The following MACF1 variants were observed in gnomAD, a reference collection of about 807,000 sequenced individuals.
MACF1 encodes the protein microtubule-actin cross-linking factor 1.
In MACF1, 193 loss-of-function variants were observed where a neutral mutation model predicts 854.8. The observed-to-expected ratio is 0.23, with a 90% confidence interval of 0.20 to 0.25. MACF1 has a LOEUF of 0.25. Among genes scored for constraint, MACF1 ranks in the 10% least tolerant of loss-of-function variants. The pLI is 1.00. For missense variants in MACF1, 7,722 were observed against 8,929.1 expected (o/e 0.86, Z 5.45); for synonymous variants, 3,185 against 3,226.7 (o/e 0.99, Z 0.44).
At position 39,447,915 on chromosome 1, in the gene MACF1, A is replaced by G; in HGVS notation, c.19968+17A>G. The G allele has an allele frequency of 3.1e-6, 5 of 1,613,644 alleles. No individual in the cohort carries two copies. Among genetic ancestry groups the G allele is most frequent in the Non-Finnish European group, 4.2e-6 (5 of 1,179,788 alleles). On this transcript the variant is annotated intron_variant, in intron 82 of 100. Coordinates refer to ENST00000564288, the MANE Select transcript of MACF1 (RefSeq NM_001394062.1). ...GCAAAACAAGTAAGTTGGGGAAGAA[A>G]GATACTAATTCACTGAAGAGTCTTG...
intron 2 of MACF1, among the ~76,000 whole-genome samples, chr1:39,102,036 C>T (rs1642093093): frequency 6.6e-6 from 1 of 151,004 alleles, no homozygotes; most frequent in South Asian, 2.1e-4. Flanking sequence ...ATTAGCCGGG[C>T]GAGGTGGCGG....
chr1:39,192,839 T>C (rs935275470), intron 2 of MACF1, among the ~76,000 whole-genome samples: 2 of 152,202 alleles, frequency 1.3e-5, no homozygotes, highest in Non-Finnish European at 2.9e-5. Flanking sequence ...TTAAGAACTT[T>C]ATGGGCGAAG....
chr1:39,210,941 CTT>C (rs1644507653), intron 1 of MACF1, among the ~76,000 whole-genome samples: 1 of 138,020 alleles, frequency 7.2e-6, no homozygotes, highest in Non-Finnish European at 1.6e-5. Flanking sequence ...CTCCCTCTCT[CTT>C]TCCCTTCTTT....
intron 58 of MACF1, chr1:39,411,701 G>C: frequency 6.2e-7 from 1 of 1,613,846 alleles, no homozygotes; most frequent in Non-Finnish European, 8.5e-7. Context: ...TGTGAAGAAG[G>C]AGTAACTCCT....
At chr1:39,259,481 C>T (rs747630104) in intron 6 of MACF1, among the ~76,000 whole-genome samples, 4 of 152,144 alleles carry the variant, frequency 2.6e-5, no homozygotes, top group Non-Finnish European at 4.4e-5. Flanking sequence ...AGGCTAGTCT[C>T]GAACTCCTGC....
At chr1:39,129,315 G>A (rs963609929) in intron 2 of MACF1, among the ~76,000 whole-genome samples, 2 of 152,154 alleles carry the variant, frequency 1.3e-5, no homozygotes, top group African/African-American at 4.8e-5. Context: ...GGGGATGGAT[G>A]GGAGGATGCT....
At chr1:39,123,725 T>A (rs1027372892) in intron 2 of MACF1, among the ~76,000 whole-genome samples, 10 of 139,106 alleles carry the variant, frequency 7.2e-5, no homozygotes, top group Non-Finnish European at 1.4e-4. Context: ...TTGTTTTTTT[T>A]TTTTTTTTTT....
rs529685819 is a variant in MACF1, at chr1:39,157,521, C to T, written c.220+73083C>T. 3.3e-5 allele frequency among the ~76,000 whole-genome samples: 5 copies of T among 152,268 alleles called. No individual in the cohort carries two copies. In the South Asian group the frequency reaches 8.3e-4, roughly 25 times the overall value. The stretch of plus-strand genomic sequence containing the variant: ...TGGTGGCAGTGTGGTGGGTGTATCT[C>T]CCATATGAGGGATTGTTCCAGGGAT... On this transcript the variant is annotated intron_variant, in intron 2 of 93. Coordinates refer to the MACF1 transcript ENST00000361689.
At position 39,451,140 on chromosome 1, in the gene MACF1, C is replaced by T; in HGVS notation, c.20347C>T (p.Pro6783Ser). 1 of 1,614,170 alleles carries T rather than the reference C, an allele frequency of 6.2e-7. No individual in the cohort carries two copies. Among genetic ancestry groups the T allele is most frequent in the Non-Finnish European group, 8.5e-7 (1 of 1,180,030 alleles). ...ALVDWLYKVEPQLAEDQPVHG... is the reference protein window; with the variant it reads ...ALVDWLYKVESQLAEDQPVHG... ...GGTTGACTGGTTATACAAGGTGGAG[C>T]CACAGCTGGCTGAGGACCAGCCCGT... The change falls in exon 85 of 101, where the codon CCA becomes TCA. Residue 6783 changes from proline to serine, a missense_variant. Pro to Ser is a moderately conservative substitution (Grantham distance 74). This residue lies in a region of MACF1 where 729 missense variants were observed against 900.5 expected (regional missense o/e 0.81). Coordinates refer to ENST00000564288, the MANE Select transcript of MACF1 (RefSeq NM_001394062.1).
chr1:39,349,455 T>C (rs1306684357), intron 41 of MACF1, 23 bp from the exon 42 acceptor site: 1 of 1,599,024 alleles, frequency 6.3e-7, no homozygotes, highest in African/African-American at 1.3e-5. Flanking sequence ...AAATGTCTCT[T>C]GACCCCTTTG....
chr1:39,200,795 G>C (rs1204589037), upstream of MACF1, among the ~76,000 whole-genome samples: 1 of 151,300 alleles, frequency 6.6e-6, no homozygotes, highest in African/African-American at 2.4e-5. Flanking sequence ...CACTTGAGGG[G>C]TGGGCATGGT....
rs868561037 is a variant in MACF1, at chr1:39,179,848, C to A, written c.221-51334C>A. ...TGGCCAACATGGTGAAACCCCGTCTCTACTAAAAATACAAAAATTAGCCAG... is the reference window on the plus strand; with the variant it reads ...TGGCCAACATGGTGAAACCCCGTCTATACTAAAAATACAAAAATTAGCCAG... On this transcript the variant is annotated intron_variant, in intron 2 of 93. Transcript: ENST00000361689. Among the ~76,000 whole-genome samples the A allele has an allele frequency of 2.0e-5, 3 of 152,000 alleles. No homozygotes were observed. In the South Asian group the frequency reaches 6.3e-4, roughly 32 times the overall value.
Position 39,360,852 on chromosome 1 carries a change from C to T in MACF1, c.12304C>T (p.Leu4102=). 6.2e-7 allele frequency: 1 copy of T among 1,614,078 alleles called. No individual in the cohort carries two copies. The highest frequency in any genetic ancestry group is 1.1e-5 in the South Asian group (1 of 91,088). The part of the protein sequence containing the change: ...SYSLAERSSL[L]QKAIAQSQSV... ...TAGCCTGGCTGAGCGATCTTCTCTGCTGCAGAAAGCAATTGCCCAATCTCA... is the reference window on the plus strand; with the variant it reads ...TAGCCTGGCTGAGCGATCTTCTCTGTTGCAGAAAGCAATTGCCCAATCTCA... The change falls in exon 48 of 101, where the codon CTG becomes TTG. Residue 4102 remains leucine (L), a synonymous_variant. Transcript: ENST00000564288.
At chr1:39,384,511 G>A (rs1427586265) in intron 56 of MACF1, among the ~76,000 whole-genome samples, 1 of 152,122 alleles carries the variant, frequency 6.6e-6, no homozygotes, top group Non-Finnish European at 1.5e-5. Flanking sequence ...CATACAGCTA[G>A]TAGGTGACAG....
chr1:39,295,921 T>C (rs1246980464), intron 20 of MACF1, 39 bp downstream of exon 20: 4 of 1,562,938 alleles, frequency 2.6e-6, no homozygotes, highest in South Asian at 1.1e-5. Flanking sequence ...TGTGTACATA[T>C]GTATGTTAAA....
intron 2 of MACF1, among the ~76,000 whole-genome samples, chr1:39,182,194 A>G (rs982142441): frequency 1.3e-5 from 2 of 151,946 alleles, no homozygotes; most frequent in Non-Finnish European, 2.9e-5. Context: ...CTCACACAAC[A>G]TATAAAACTT....
intron 1 of MACF1, among the ~76,000 whole-genome samples, chr1:39,212,683 C>T (rs558359819): frequency 7.9e-5 from 12 of 152,236 alleles, no homozygotes; most frequent in African/African-American, 2.2e-4. Context: ...AGTGCAGTGG[C>T]GCAATCTCGG....
chr1:39,196,637 T>C (rs1199961993), intron 2 of MACF1, among the ~76,000 whole-genome samples: 1 of 152,254 alleles, frequency 6.6e-6, no homozygotes, highest in African/African-American at 2.4e-5. Context: ...GACTTCTCTC[T>C]TTGTAAGCAT....
At chr1:39,102,092 C>T (rs1642096342) in intron 2 of MACF1, among the ~76,000 whole-genome samples, 1 of 150,732 alleles carries the variant, frequency 6.6e-6, no homozygotes, top group Non-Finnish European at 1.5e-5. Context: ...AGGAGAATGG[C>T]GTGAACCCCG....
Sources: allele counts gnomAD v4.1 joint callset (sites outside exome capture counted in the v4.1 genomes callset), GRCh38; gene constraint gnomAD v4.1.1; regional missense constraint gnomAD v4.1.1; transcripts MANE v1.5; gene names NCBI Gene and HGNC (gene_info 2026-07-23, HGNC 2026-07-21).